ROBO1: variants seen among roughly 807,000 people sequenced by gnomAD.
ROBO1 encodes roundabout guidance receptor 1.
A neutral mutation model predicts 195.9 loss-of-function variants in ROBO1; 149 were observed. That is an observed-to-expected ratio of 0.76 (90% CI 0.67 to 0.87). The LOEUF is 0.87. Among genes scored for constraint, ROBO1 ranks in the 40% least tolerant of loss-of-function variants. The pLI is 0.00. For synonymous variants in ROBO1, 816 were observed against 733.2 expected, an observed-to-expected ratio of 1.11 and a Z score of -1.82; for missense variants, 1,933 against 2,068.3, an observed-to-expected ratio of 0.93 and a Z score of 1.27.
intron 26 of ROBO1, among the ~76,000 whole-genome samples, chr3:78,625,821 G>T (rs1044663366): frequency 2.6e-5 from 4 of 152,050 alleles, no homozygotes; most frequent in African/African-American, 9.7e-5. Context: ...GAATGCAGTG[G>T]GCTGAGGTGC....
rs1575865268 is a variant in ROBO1, at chr3:78,661,177, C to G, written c.2173G>C (p.Val725Leu). Residue 725 changes from valine (V) to leucine (L), a missense_variant, in exon 16 of 31, where the codon GTT (valine) becomes CTT (leucine). Physicochemically the swap from Val to Leu is conservative, Grantham distance 32. This residue lies in a region of ROBO1 where 1,737 missense variants were observed against 1,882.5 expected (regional missense o/e 0.92). Coordinates refer to ENST00000464233, the MANE Select transcript of ROBO1 (RefSeq NM_002941.4). Reference sequence around the variant, plus strand: ...TTGGCTGGCGTCCTCACTTCAAAAACTAACCAGTCTGATTCTCCGTGGTTG... The same window carrying G: ...TTGGCTGGCGTCCTCACTTCAAAAAGTAACCAGTCTGATTCTCCGTGGTTG... ...GANHGESDWLVFEVRTPAKNS... is the reference protein window; with the variant it reads ...GANHGESDWLLFEVRTPAKNS... The G allele has an allele frequency of 6.2e-7, 1 of 1,613,694 alleles. No homozygotes were observed.
chr3:78,800,561 T>A (rs1040406780), intron 4 of ROBO1, among the ~76,000 whole-genome samples: 1 of 152,044 alleles, frequency 6.6e-6, no homozygotes, highest in Non-Finnish European at 1.5e-5. Flanking sequence ...TGTTTGTTTG[T>A]TTGTTTGTTT....
At chr3:79,557,112 G>T (rs1403117151) in intron 2 of ROBO1, among the ~76,000 whole-genome samples, 1 of 150,672 alleles carries the variant, frequency 6.6e-6, no homozygotes, top group Non-Finnish European at 1.5e-5. Flanking sequence ...AATAAAAGAA[G>T]TTCCTAGAGT....
At chr3:79,095,867 G>A (rs2079557411) in intron 3 of ROBO1, among the ~76,000 whole-genome samples, 1 of 151,828 alleles carries the variant, frequency 6.6e-6, no homozygotes, top group Non-Finnish European at 1.5e-5. Flanking sequence ...ATTAATGCAT[G>A]TAGATGTGCC....
At chr3:79,443,675 G>C (rs1393852627) in intron 2 of ROBO1, among the ~76,000 whole-genome samples, 1 of 152,056 alleles carries the variant, frequency 6.6e-6, no homozygotes, top group African/African-American at 2.4e-5. Flanking sequence ...CATTAAACTT[G>C]ACAACCGTAT....
At chr3:78,634,244 TTAA>T (rs1705353513) in intron 23 of ROBO1, among the ~76,000 whole-genome samples, 1 of 151,552 alleles carries the variant, frequency 6.6e-6, no homozygotes, top group Admixed American at 6.6e-5. Flanking sequence ...ATAAATAACT[TTAA>T]TAATATAATA....
At chr3:79,491,342 G>C (rs1306625724) in intron 2 of ROBO1, among the ~76,000 whole-genome samples, 1 of 151,966 alleles carries the variant, frequency 6.6e-6, no homozygotes, top group African/African-American at 2.4e-5. Context: ...CCAGCATCTG[G>C]AAGCTGGGTT....
intron 2 of ROBO1, among the ~76,000 whole-genome samples, chr3:79,151,596 G>C (rs1029289104): frequency 6.6e-6 from 1 of 151,524 alleles, no homozygotes; most frequent in Non-Finnish European, 1.5e-5. Context: ...AATAGAAATC[G>C]GACTTAGTTT....
intron 2 of ROBO1, among the ~76,000 whole-genome samples, chr3:79,524,389 A>G (rs1450127644): frequency 6.6e-6 from 1 of 152,090 alleles, no homozygotes; most frequent in African/African-American, 2.4e-5. Flanking sequence ...TAAGCCTTAG[A>G]TTAAGCATAC....
intron 5 of ROBO1, among the ~76,000 whole-genome samples, chr3:78,730,182 C>G (rs1157004410): frequency 6.6e-6 from 1 of 152,212 alleles, no homozygotes; most frequent in Non-Finnish European, 1.5e-5. Flanking sequence ...GCTGAAAATA[C>G]TTTGCCAACA....
At chr3:79,453,394 A>C (rs1380509258) in intron 2 of ROBO1, among the ~76,000 whole-genome samples, 1 of 152,148 alleles carries the variant, frequency 6.6e-6, no homozygotes, top group East Asian at 1.9e-4. Flanking sequence ...CTTGTCAAAC[A>C]GTGGCTTTTA....
chr3:78,896,007 A>G (rs761840864), intron 4 of ROBO1, among the ~76,000 whole-genome samples: 2 of 152,218 alleles, frequency 1.3e-5, no homozygotes, highest in Non-Finnish European at 2.9e-5. Flanking sequence ...ATCACCATTG[A>G]CATATCATCA....
intron 1 of ROBO1, among the ~76,000 whole-genome samples, chr3:79,605,861 T>A (rs2107889948): frequency 6.6e-6 from 1 of 152,000 alleles, no homozygotes; most frequent in South Asian, 2.1e-4. Context: ...CATTTTAGCT[T>A]CCATCTCTCC....
At chr3:79,254,459 T>TC (rs2082790784) in intron 2 of ROBO1, among the ~76,000 whole-genome samples, 4 of 152,082 alleles carry the variant, frequency 2.6e-5, no homozygotes, top group Admixed American at 6.6e-5. Context: ...CTCACACACA[T>TC]TCACACACTC....
At chr3:78,919,593 CAGA>C (rs2038825788) in intron 4 of ROBO1, among the ~76,000 whole-genome samples, 2 of 152,144 alleles carry the variant, frequency 1.3e-5, no homozygotes, top group Admixed American at 1.3e-4. Context: ...TATTCCATGT[CAGA>C]AGATCTCAGT....
chr3:79,124,998 G>C (rs1429643517), intron 3 of ROBO1, among the ~76,000 whole-genome samples: 1 of 151,866 alleles, frequency 6.6e-6, no homozygotes, highest in Admixed American at 6.6e-5. Context: ...GATGTAAGTT[G>C]GTGGTTATGA....
intron 2 of ROBO1, among the ~76,000 whole-genome samples, chr3:79,248,694 A>C (rs2082669621): frequency 6.6e-6 from 1 of 152,272 alleles, no homozygotes; most frequent in Middle Eastern, 3.4e-3. Flanking sequence ...GTTTCTGGCA[A>C]AAAGATGAGA....
At chr3:79,078,772 T>C (rs1402055684) in intron 3 of ROBO1, among the ~76,000 whole-genome samples, 1 of 151,762 alleles carries the variant, frequency 6.6e-6, no homozygotes, top group Non-Finnish European at 1.5e-5. Context: ...CCTGAGACAG[T>C]AGACAGAGGT....
intron 29 of ROBO1, among the ~76,000 whole-genome samples, chr3:78,604,813 C>T (rs1347853844): frequency 6.6e-6 from 1 of 152,174 alleles, no homozygotes; most frequent in Non-Finnish European, 1.5e-5. Context: ...TAGTTAAGTG[C>T]CCCTGTAGGT....
Sources: allele counts gnomAD v4.1 joint callset (sites outside exome capture counted in the v4.1 genomes callset), GRCh38; gene constraint gnomAD v4.1.1; regional missense constraint gnomAD v4.1.1; transcripts MANE v1.5; gene names NCBI Gene and HGNC (gene_info 2026-07-23, HGNC 2026-07-21).